The following RABL3 variants were observed in gnomAD, a reference collection of about 807,000 sequenced individuals.
RABL3 encodes rab-like protein 3.
RABL3 carries 31 observed loss-of-function variants against 31.8 expected under a neutral mutation model. The observed-to-expected ratio is 0.97, with a 90% confidence interval of 0.73 to 1.31. RABL3 has a LOEUF of 1.31. Among genes scored for constraint, RABL3 ranks in the 40% most tolerant of loss-of-function variants. The pLI, the probability that RABL3 is intolerant of heterozygous loss-of-function variation, is 0.00. For missense variants in RABL3, 263 were observed against 279.6 expected (o/e 0.94, Z 0.42); for synonymous variants, 97 against 99.9 (o/e 0.97, Z 0.18).
At chr3:120,720,505 T>C (rs1428272056) in intron 2 of RABL3, among the ~76,000 whole-genome samples, 1 of 152,200 alleles carries the variant, frequency 6.6e-6, no homozygotes, top group Non-Finnish European at 1.5e-5. Flanking sequence ...CTGATGGAGC[T>C]GAAAACCACG....
At chr3:120,732,407 T>C (rs1708895486) in intron 1 of RABL3, among the ~76,000 whole-genome samples, 1 of 152,232 alleles carries the variant, frequency 6.6e-6, no homozygotes, top group Non-Finnish European at 1.5e-5. Context: ...AAACACATTA[T>C]TACATGTGTT....
chr3:120,726,814 A>G (rs1164767825), intron 2 of RABL3, among the ~76,000 whole-genome samples: 1 of 152,018 alleles, frequency 6.6e-6, no homozygotes, highest in Non-Finnish European at 1.5e-5. Context: ...GCAAATCTCA[A>G]CAAATTTCAA....
intron 4 of RABL3, among the ~76,000 whole-genome samples, chr3:120,704,665 C>T (rs1708529376): frequency 6.6e-6 from 1 of 152,176 alleles, no homozygotes; most frequent in South Asian, 2.1e-4. Context: ...TACTAAAAAA[C>T]TCTGGTCACA....
chr3:120,742,269 A>G (rs1709054599), intron 1 of RABL3, among the ~76,000 whole-genome samples, 193 bp downstream of exon 1: 1 of 147,176 alleles, frequency 6.8e-6, no homozygotes, highest in Non-Finnish European at 1.5e-5. Flanking sequence ...CGCGACCCCC[A>G]CCCGCGCGAC....
chr3:120,738,662 T>C (rs1451037934), intron 1 of RABL3: 4 of 152,238 alleles, frequency 2.6e-5, no homozygotes. Context: ...CGCAGCTTTT[T>C]TATCTCTAGT....
intron 4 of RABL3, among the ~76,000 whole-genome samples, chr3:120,699,531 C>T (rs1270774756): frequency 6.6e-6 from 1 of 152,152 alleles, no homozygotes; most frequent in Non-Finnish European, 1.5e-5. Flanking sequence ...CAACTTACAA[C>T]AGTCAGCAAA....
rs752096107 is a variant in RABL3, at chr3:120,706,118, AAATAAT to A, written c.269-10_269-5del. On this transcript the variant is annotated splice_region_variant and splice_polypyrimidine_tract_variant and intron_variant, in intron 3 of 7. Transcript: ENST00000273375. ...AAGTCGTGTACGAAAATAATACCTA[AAATAAT>A]CAGAGAAAACAATGTTAATCCCTTA... The A allele has an allele frequency of 6.5e-7, 1 of 1,542,504 alleles. No individual in the cohort carries two copies. The highest frequency in any genetic ancestry group is 9.0e-7 in the Non-Finnish European group (1 of 1,115,042).
rs559498955 is a variant in RABL3, at chr3:120,732,783, A to G, written c.47-1996T>C. Among the ~76,000 whole-genome samples, 9 of 142,682 alleles carry G rather than the reference A, an allele frequency of 6.3e-5. No individual in the cohort carries two copies. In the East Asian group the frequency reaches 1.2e-3, roughly 20 times the overall value. The allele number at this position is 142,682 out of a possible 152,430, so 93.6% of individuals were successfully genotyped here. A position where few individuals can be genotyped will look rare whatever the true frequency, so the allele number is the denominator to read the frequency against. ...TGTGTCCAAGTGTTCTCATTGTTCA[A>G]TTCCCACCTATGAGTGAGAACAAGT... On this transcript the variant is annotated intron_variant, in intron 1 of 7. Transcript: ENST00000273375.
Position 120,685,680 on chromosome 3 carries a change from C to A in RABL3, c.*4143G>T, listed in dbSNP as rs1708300156. Among the ~76,000 whole-genome samples the A allele has an allele frequency of 6.6e-6, 1 of 152,120 alleles. No homozygotes were observed. The highest frequency in any genetic ancestry group is 1.5e-5 in the Non-Finnish European group (1 of 68,022). ...TCATTAAGGTGAGATCAGGTTGAGG[C>A]AGTCAAAGATGCGCTTTGATGAATT... On this transcript the variant is annotated 3_prime_UTR_variant, in exon 8 of 8. Transcript: ENST00000273375.
intron 2 of RABL3, among the ~76,000 whole-genome samples, chr3:120,715,041 T>C (rs1259594506): frequency 6.6e-6 from 1 of 152,224 alleles, no homozygotes; most frequent in Non-Finnish European, 1.5e-5. Context: ...CCTTTCACCA[T>C]GTCCAGAACT....
intron 2 of RABL3, among the ~76,000 whole-genome samples, chr3:120,722,803 TA>T (rs1708763567): frequency 6.6e-6 from 1 of 151,792 alleles, no homozygotes. Context: ...AAGCAGTGTG[TA>T]GAGGGAAATT....
chr3:120,728,845 T>C (rs568717116), intron 2 of RABL3, among the ~76,000 whole-genome samples: 1 of 152,158 alleles, frequency 6.6e-6, no homozygotes, highest in South Asian at 2.1e-4. Flanking sequence ...AAGAGAAAGT[T>C]AGGAGAAAGA....
Position 120,689,438 on chromosome 3 carries a change from G to C in RABL3, c.*385C>G, listed in dbSNP as rs547265649. The C allele has an allele frequency of 6.3e-6, 1 of 159,622 alleles. No individual in the cohort carries two copies. Among genetic ancestry groups the C allele is most frequent in the East Asian group, 1.8e-4 (1 of 5,584 alleles). 9.9% of individuals were successfully genotyped at this position (159,622 alleles called of 1,614,324 possible). A position where few individuals can be genotyped will look rare whatever the true frequency, so the allele number is the denominator to read the frequency against. ...GGTAAAACAATGGAGATACGTTTTT[G>C]AAGTACTTAATTAAGCTTTCAGCAA... is the stretch of plus-strand genomic sequence containing the variant. On this transcript the variant is annotated 3_prime_UTR_variant, in exon 8 of 8. Transcript: ENST00000273375.
At position 120,714,569 on chromosome 3, in the gene RABL3, T is replaced by C. The variant is rs58338157; in HGVS notation, c.139-4660A>G. On this transcript the variant is annotated intron_variant, in intron 2 of 7. Transcript: ENST00000273375. ...TTCTGTACCCATTCACTCTTTTATT[T>C]AACGTCTAAACTTCGTGAAAAATTG... Among the ~76,000 whole-genome samples, 858 of 152,328 alleles carry C rather than the reference T, an allele frequency of 5.6e-3. 11 individuals carry two copies. The highest frequency in any genetic ancestry group is 0.02 in the African/African-American group (826 of 41,568).
At chr3:120,697,767 G>C (rs1385755989) in intron 5 of RABL3, among the ~76,000 whole-genome samples, 2 of 152,136 alleles carry the variant, frequency 1.3e-5, no homozygotes, top group Non-Finnish European at 2.9e-5. Context: ...AAAATTTGTA[G>C]TTTAAGAAGC....
chr3:120,695,984 G>A (rs1450988720), intron 5 of RABL3, among the ~76,000 whole-genome samples: 5 of 152,182 alleles, frequency 3.3e-5, no homozygotes, highest in Admixed American at 3.3e-4. Context: ...TCATGGCTGA[G>A]GGAAAAGCCT....
chr3:120,720,842 A>C (rs1353749234), intron 2 of RABL3, among the ~76,000 whole-genome samples: 1 of 152,182 alleles, frequency 6.6e-6, no homozygotes, highest in African/African-American at 2.4e-5. Flanking sequence ...GAACGCCACA[A>C]AGAGACTCCT....
rs183028522 is a variant in RABL3, at chr3:120,713,458, T to C, written c.139-3549A>G. Among the ~76,000 whole-genome samples, 8 of 152,336 alleles carry C rather than the reference T, an allele frequency of 5.3e-5. No individual in the cohort carries two copies. In the East Asian group the frequency reaches 1.5e-3, roughly 29 times the overall value. ...AGGGAAAGCTTGACATTATAACAAG[T>C]ATTGCTCTTGACACAGTAAGTAGTA... On this transcript the variant is annotated intron_variant, in intron 2 of 7. Transcript: ENST00000273375.
At chr3:120,704,284 AATCCACC>A (rs1485010521) in intron 4 of RABL3, among the ~76,000 whole-genome samples, 2 of 152,238 alleles carry the variant, frequency 1.3e-5, no homozygotes, top group Admixed American at 6.5e-5. Flanking sequence ...CAGTGAACGT[AATCCACC>A]ATACTGACAG....
Sources: gnomAD v4.1 joint callset for allele counts (sites outside exome capture counted in the v4.1 genomes callset) on GRCh38, gnomAD v4.1.1 for gene constraint, MANE v1.5 for transcripts, NCBI Gene and HGNC (gene_info 2026-07-23, HGNC 2026-07-21) for gene names.